Variants in UMAD1 observed in about 807,000 individuals in gnomAD.
UMAD1 encodes the protein UBAP1-MVB12-associated (UMA)-domain containing protein 1.
UMAD1 carries 8 observed loss-of-function variants against 6.1 expected under a neutral mutation model. The ratio of observed to expected loss-of-function variants is 1.30; its 90% CI spans 0.76 to 2.35. The LOEUF (loss-of-function observed/expected upper bound fraction) is 2.35, where lower values mean the gene tolerates loss of function less well. Among genes scored for constraint, UMAD1 ranks in the 30% most tolerant of loss-of-function variants. The pLI, the probability that UMAD1 is intolerant of heterozygous loss-of-function variation, is 0.00. For synonymous variants in UMAD1, 56 were observed against 31.4 expected, an observed-to-expected ratio of 1.78 and a Z score of -2.61; for missense variants, 130 against 78.4, an observed-to-expected ratio of 1.66 and a Z score of -2.49.
At position 7,866,441 on chromosome 7, in the gene UMAD1, G is replaced by T. The variant is rs530326584; in HGVS notation, c.157-10840G>T. Among the ~76,000 whole-genome samples, 7 of 152,336 alleles carry T rather than the reference G, an allele frequency of 4.6e-5. No homozygotes were observed. In the South Asian group the frequency reaches 1.2e-3, roughly 27 times the overall value. ...CACGTTTGGGGAGTTAGTTGGGGAA[G>T]TCTTTCTAAAAGAGGCTTGTGTGAC... On this transcript the variant is annotated intron_variant, in intron 3 of 3. Transcript: ENST00000682710.
chr7:7,764,466 A>G (rs146931821), intron 2 of UMAD1, among the ~76,000 whole-genome samples: 237 of 152,324 alleles, frequency 1.6e-3, no homozygotes, highest in Non-Finnish European at 2.5e-3. Context: ...TTGGAAGACA[A>G]ATTTGTTTAG....
intron 1 of UMAD1, among the ~76,000 whole-genome samples, chr7:7,654,638 C>T (rs1205901241): frequency 1.3e-5 from 2 of 152,154 alleles, no homozygotes; most frequent in African/African-American, 2.4e-5. Flanking sequence ...TGCGGTGGCT[C>T]ATGCTTGTAA....
chr7:7,780,647 A>C (rs1782325841), intron 2 of UMAD1, among the ~76,000 whole-genome samples: 1 of 152,172 alleles, frequency 6.6e-6, no homozygotes, highest in East Asian at 1.9e-4. Context: ...CAACTTCCAA[A>C]GCAATCCTGA....
At chr7:7,654,527 T>C (rs1274570394) in intron 1 of UMAD1, among the ~76,000 whole-genome samples, 2 of 152,202 alleles carry the variant, frequency 1.3e-5, no homozygotes, top group East Asian at 3.8e-4. Context: ...TGGTATAGTA[T>C]TTGTATATAG....
chr7:7,683,034 C>T (rs1779951344), intron 2 of UMAD1, among the ~76,000 whole-genome samples: 1 of 152,204 alleles, frequency 6.6e-6, no homozygotes, highest in African/African-American at 2.4e-5. Flanking sequence ...TGGGGTACAC[C>T]ACCCTTCCTT....
chr7:7,764,383 A>T (rs992984971), intron 2 of UMAD1, among the ~76,000 whole-genome samples: 2 of 152,228 alleles, frequency 1.3e-5, no homozygotes, highest in Non-Finnish European at 2.9e-5. Flanking sequence ...AAATAATTTT[A>T]AAAAATAAAA....
intron 1 of UMAD1, among the ~76,000 whole-genome samples, chr7:7,661,906 C>T (rs1358455119): frequency 6.6e-6 from 1 of 152,218 alleles, no homozygotes; most frequent in African/African-American, 2.4e-5. Flanking sequence ...GCTGCACCCA[C>T]AGCTGCCCCT....
At chr7:7,779,560 A>G (rs1427798344) in intron 2 of UMAD1, among the ~76,000 whole-genome samples, 1 of 152,186 alleles carries the variant, frequency 6.6e-6, no homozygotes, top group Admixed American at 6.5e-5. Context: ...TCCACTTTAA[A>G]GTACTGAAAT....
chr7:7,796,368 C>T (rs1782680677), intron 2 of UMAD1, among the ~76,000 whole-genome samples: 1 of 148,562 alleles, frequency 6.7e-6, no homozygotes, highest in South Asian at 2.2e-4. Context: ...TCTCCTGCTT[C>T]AGCCTCCCGA....
chr7:7,844,727 A>G (rs1489343706), intron 3 of UMAD1, among the ~76,000 whole-genome samples: 2 of 152,178 alleles, frequency 1.3e-5, no homozygotes, highest in African/African-American at 4.8e-5. Context: ...TTTCTTAGGC[A>G]TCTACCATCC....
intron 3 of UMAD1, among the ~76,000 whole-genome samples, chr7:7,821,781 C>T (rs750379340): frequency 2.6e-5 from 4 of 152,160 alleles, no homozygotes; most frequent in Admixed American, 2.6e-4. Context: ...TCTCTCCTTT[C>T]TGCCTCTTCC....
intron 3 of UMAD1, among the ~76,000 whole-genome samples, chr7:7,862,313 A>G (rs1784131318): frequency 6.6e-6 from 1 of 152,120 alleles, no homozygotes; most frequent in South Asian, 2.1e-4. Context: ...GAAGTACTTT[A>G]TGTTTCACTG....
At chr7:7,742,537 G>A (rs1010046353) in intron 2 of UMAD1, 7 of 522,986 alleles carry the variant, frequency 1.3e-5, no homozygotes, top group Non-Finnish European at 2.7e-5. Context: ...AGGGGCAGGA[G>A]CTTCCTTCTT....
At chr7:7,875,002 G>T (rs764973667) in intron 3 of UMAD1, among the ~76,000 whole-genome samples, 1 of 152,078 alleles carries the variant, frequency 6.6e-6, no homozygotes, top group Non-Finnish European at 1.5e-5. Flanking sequence ...TCGAACTCCC[G>T]ACCTCAGGTG....
chr7:7,680,101 C>G (rs967571495), intron 2 of UMAD1, among the ~76,000 whole-genome samples: 3 of 152,038 alleles, frequency 2.0e-5, no homozygotes, highest in African/African-American at 4.8e-5. Flanking sequence ...GGGTATTACT[C>G]AAGAAATCTT....
intron 2 of UMAD1, among the ~76,000 whole-genome samples, chr7:7,725,233 C>T (rs1370006187): frequency 2.0e-5 from 3 of 152,212 alleles, no homozygotes; most frequent in Non-Finnish European, 2.9e-5. Context: ...GCACATTCCT[C>T]ATTTGGGTGT....
chr7:7,770,652 T>G lies in UMAD1; in HGVS notation c.83-31018T>G, dbSNP rs149979165. Among the ~76,000 whole-genome samples the G allele has an allele frequency of 1.1e-3, 174 of 152,170 alleles. 2 individuals are homozygous for G. The highest frequency in any genetic ancestry group is 3.9e-3 in the African/African-American group (162 of 41,504). Reference sequence around the variant, plus strand: ...ATCTAGGAGGTAGGATTAATTACAATTTGACATTCAGTGATTATGAGAGTT... The same window carrying G: ...ATCTAGGAGGTAGGATTAATTACAAGTTGACATTCAGTGATTATGAGAGTT... On this transcript the variant is annotated intron_variant, in intron 2 of 3. Transcript: ENST00000682710.
intron 2 of UMAD1, among the ~76,000 whole-genome samples, chr7:7,775,350 A>T (rs1782182307): frequency 6.6e-6 from 1 of 152,214 alleles, no homozygotes; most frequent in Non-Finnish European, 1.5e-5. Context: ...GAGGTAATTG[A>T]ATCATGGGGG....
At chr7:7,856,935 G>A (rs1480077651) in intron 3 of UMAD1, among the ~76,000 whole-genome samples, 4 of 152,100 alleles carry the variant, frequency 2.6e-5, no homozygotes, top group East Asian at 3.9e-4. Context: ...CTCACTGATC[G>A]TCTACTCAGA....
Sources: allele counts gnomAD v4.1 joint callset (sites outside exome capture counted in the v4.1 genomes callset), GRCh38; gene constraint gnomAD v4.1.1; transcripts MANE v1.5; gene names NCBI Gene and HGNC (gene_info 2026-07-23, HGNC 2026-07-21).